Variants in PHLDB2 observed in about 807,000 individuals in gnomAD.
PHLDB2 encodes pleckstrin homology-like domain family B member 2.
PHLDB2 carries 71 observed loss-of-function variants against 123.6 expected under a neutral mutation model. The observed-to-expected ratio is 0.57, with a 90% CI of 0.47 to 0.70. The LOEUF is 0.70. Among genes scored for constraint, PHLDB2 ranks in the 30% least tolerant of loss-of-function variants. The pLI is 0.00. For missense variants in PHLDB2, 1,446 were observed against 1,519.5 expected (o/e 0.95, Z 0.80); for synonymous variants, 547 against 541.6 (o/e 1.01, Z -0.14).
At chr3:111,883,592 CT>C (rs954220210) in intron 1 of PHLDB2, among the ~76,000 whole-genome samples, 8 of 152,100 alleles carry the variant, frequency 5.3e-5, no homozygotes, top group Non-Finnish European at 1.0e-4. Context: ...CTAACGTAAA[CT>C]TTTTTTTCTC....
chr3:111,845,850 G>A, exon 2 of PHLDB2: 1 of 1,614,138 alleles, frequency 6.2e-7, no homozygotes, highest in South Asian at 1.1e-5. Context: ...TATCCTTTGA[G>A]ATTCAGCAGA....
chr3:111,758,236 T>C (rs2059931807), intron 1 of PHLDB2, among the ~76,000 whole-genome samples: 1 of 152,174 alleles, frequency 6.6e-6, no homozygotes, highest in Non-Finnish European at 1.5e-5. Context: ...GCAGGCCTCC[T>C]TGAGCTGTGG....
chr3:111,822,152 C>A (rs1463016422), intron 1 of PHLDB2, among the ~76,000 whole-genome samples: 1 of 151,976 alleles, frequency 6.6e-6, no homozygotes, highest in African/African-American at 2.4e-5. Context: ...TACTGATTAC[C>A]TTTCCAGTCC....
At chr3:111,853,730 C>T (rs969805889) in intron 2 of PHLDB2, among the ~76,000 whole-genome samples, 1 of 152,126 alleles carries the variant, frequency 6.6e-6, no homozygotes. Context: ...ACAAAATTAG[C>T]TAGGCATGGT....
At chr3:111,883,354 G>C (rs1159953064) in intron 1 of PHLDB2, among the ~76,000 whole-genome samples, 2 of 152,164 alleles carry the variant, frequency 1.3e-5, no homozygotes, top group Non-Finnish European at 2.9e-5. Flanking sequence ...GAATTTGCAA[G>C]GATGAGCATA....
intron 1 of PHLDB2, among the ~76,000 whole-genome samples, chr3:111,839,853 T>G (rs545451897): frequency 6.6e-6 from 1 of 151,608 alleles, no homozygotes; most frequent in Non-Finnish European, 1.5e-5. Context: ...TAAGATCAAG[T>G]GTAGAAAATA....
intron 1 of PHLDB2, among the ~76,000 whole-genome samples, chr3:111,766,300 G>A (rs149363339): frequency 0.017 from 2,550 of 151,804 alleles, 73 homozygotes; most frequent in African/African-American, 0.057. Context: ...AAAATTAGCC[G>A]GGCATGGTGG....
chr3:111,880,312 T>TG (rs2065873683), intron 1 of PHLDB2, among the ~76,000 whole-genome samples: 1 of 152,124 alleles, frequency 6.6e-6, no homozygotes, highest in African/African-American at 2.4e-5. Context: ...GAGATATGTT[T>TG]GGGGGCAAGT....
intron 1 of PHLDB2, among the ~76,000 whole-genome samples, chr3:111,776,918 T>A (rs1415255378): frequency 6.6e-6 from 1 of 152,148 alleles, no homozygotes; most frequent in African/African-American, 2.4e-5. Flanking sequence ...GAAAATAGAT[T>A]CTTATCTCTA....
chr3:111,780,303 G>A (rs13086995), intron 1 of PHLDB2, among the ~76,000 whole-genome samples: 3,858 of 7,184 alleles, frequency 0.54, 1,484 homozygotes, highest in Non-Finnish European at 0.69. Flanking sequence ...AAGAGGAAGA[G>A]GAAGAGGAAG....
upstream of PHLDB2, among the ~76,000 whole-genome samples, chr3:111,856,182 A>G (rs1186349517): frequency 6.6e-6 from 1 of 152,202 alleles, no homozygotes; most frequent in Admixed American, 6.5e-5. Context: ...TGGCTATCCT[A>G]AGAGATAGAG....
chr3:111,913,369 G>A lies in PHLDB2; in HGVS notation c.1386G>A (p.Lys462=), dbSNP rs376772318. The change falls in exon 3 of 18, where the codon AAG becomes AAA. Residue 462 remains lysine, a synonymous_variant. Transcript: ENST00000431670. Reference sequence around the variant, plus strand: ...TCAGTCTCTGTGCTGAATACACAAAGCCTGACAGTCGCTTATCTACTGGGA... The same window carrying A: ...TCAGTCTCTGTGCTGAATACACAAAACCTGACAGTCGCTTATCTACTGGGA... ...TILSLCAEYT[K]PDSRLSTGTT... 5 of 1,613,320 alleles carry A rather than the reference G, an allele frequency of 3.1e-6. No homozygotes were observed. The highest frequency in any genetic ancestry group is 2.7e-5 in the African/African-American group (2 of 74,900).
At chr3:111,767,490 T>C (rs925731116) in intron 1 of PHLDB2, among the ~76,000 whole-genome samples, 7 of 152,246 alleles carry the variant, frequency 4.6e-5, no homozygotes, top group African/African-American at 7.2e-5. Context: ...AGCAGAAGTT[T>C]CTAAAAAATT....
At chr3:111,793,194 T>C (rs368854728) in intron 1 of PHLDB2, among the ~76,000 whole-genome samples, 1 of 152,180 alleles carries the variant, frequency 6.6e-6, no homozygotes, top group East Asian at 1.9e-4. Flanking sequence ...TCAGGAACTT[T>C]AGGAATCTAC....
rs2061162143 is a variant in PHLDB2 at position 111,796,368 on chromosome 3, C to A, written c.-48-49453C>A. 2.6e-5 allele frequency among the ~76,000 whole-genome samples: 4 copies of A among 152,214 alleles called. No homozygotes were observed. In the South Asian group the frequency reaches 8.3e-4, roughly 32 times the overall value. ...TCAAAATATGGCCAAAATCTCTCCA[C>A]TTTTCTCCAGCTCCTTTGCTGTTAC... On this transcript the variant is annotated intron_variant, in intron 1 of 17. Transcript: ENST00000393923.
chr3:111,935,334 C>T (rs2069409770), intron 6 of PHLDB2, among the ~76,000 whole-genome samples: 1 of 151,880 alleles, frequency 6.6e-6, no homozygotes, highest in African/African-American at 2.4e-5. Flanking sequence ...CAGTGATCTA[C>T]AATTAAAAGA....
chr3:111,802,352 C>T (rs973734636), intron 1 of PHLDB2, among the ~76,000 whole-genome samples: 1 of 152,224 alleles, frequency 6.6e-6, no homozygotes, highest in African/African-American at 2.4e-5. Context: ...AAGGGGAGAG[C>T]ACTTTCCAAG....
At chr3:111,845,994 A>G in intron 2 of PHLDB2, 1 of 1,525,852 alleles carries the variant, frequency 6.6e-7, no homozygotes, top group Non-Finnish European at 9.0e-7. Flanking sequence ...ACTCCATCAT[A>G]CATATTGGGA....
intron 12 of PHLDB2, chr3:111,958,101 A>C (rs2071167034): frequency 5.6e-6 from 1 of 179,600 alleles, no homozygotes; most frequent in Non-Finnish European, 1.1e-5. Context: ...TACCTTGTTA[A>C]TTTGCTATTG....
Sources: allele counts gnomAD v4.1 joint callset (sites outside exome capture counted in the v4.1 genomes callset), GRCh38; gene constraint gnomAD v4.1.1; transcripts MANE v1.5; gene names NCBI Gene and HGNC (gene_info 2026-07-23, HGNC 2026-07-21).